FGFRL1: variants seen among roughly 807,000 people sequenced by gnomAD.
FGFRL1 encodes the protein fibroblast growth factor receptor-like 1.
Under a neutral mutation model 36.8 loss-of-function variants are expected in FGFRL1, and 24 were observed. The observed-to-expected ratio is 0.65, with a 90% CI of 0.47 to 0.92. The LOEUF (loss-of-function observed/expected upper bound fraction) is 0.92. Ranked by LOEUF, FGFRL1 falls within the 40% of genes least tolerant of loss-of-function variation. The pLI, the probability that FGFRL1 is intolerant of heterozygous loss-of-function variation, is 0.00. For synonymous variants in FGFRL1, 422 were observed against 344.1 expected (o/e 1.23, Z -2.50); for missense variants, 785 against 753.4 (o/e 1.04, Z -0.49).
At position 1,011,786 on chromosome 4, in the gene FGFRL1, CCCCGACCCGG is replaced by C. The variant is rs1040947903; in HGVS notation, c.-179_-170del. On this transcript the variant is annotated 5_prime_UTR_variant, in exon 1 of 7. Transcript: ENST00000510644. Reference sequence around the variant, plus strand: ...CGCGCCCCGAGCGCCCGAGCCCGGACCCCGACCCGGCCCGAGCCGCCCGCGCCCAGGTAGC... The same window carrying C: ...CGCGCCCCGAGCGCCCGAGCCCGGACCCCGAGCCGCCCGCGCCCAGGTAGC... 7 of 142,666 alleles carry C rather than the reference CCCCGACCCGG, an allele frequency of 4.9e-5. No individual in the cohort carries two copies. The highest frequency in any genetic ancestry group is 2.1e-4 in the Admixed American group (3 of 14,554). The allele number at this position is 142,666 out of a possible 1,614,324, so 8.8% of individuals were successfully genotyped here.
At chr4:1,021,314 G>A (rs1432104606) in intron 2 of FGFRL1, among the ~76,000 whole-genome samples, 1 of 152,060 alleles carries the variant, frequency 6.6e-6, no homozygotes, top group East Asian at 1.9e-4. Flanking sequence ...GGTGCAGGTG[G>A]CCATGTGGAG....
At position 1,024,118 on chromosome 4, in the gene FGFRL1, G is replaced by C. The variant is rs763437948; in HGVS notation, c.718+17G>C. On this transcript the variant is annotated intron_variant, in intron 5 of 6. Transcript: ENST00000510644. Reference sequence around the variant, plus strand: ...ATGTGATCCGTGAGTGTGGCCCCGGGCGCTGGCGGGCGGGGGGTGCTGGTG... The same window carrying C: ...ATGTGATCCGTGAGTGTGGCCCCGGCCGCTGGCGGGCGGGGGGTGCTGGTG... 1 of 1,474,252 alleles carries C rather than the reference G, an allele frequency of 6.8e-7. No individual in the cohort carries two copies. The highest frequency in any genetic ancestry group is 2.6e-5 in the East Asian group (1 of 38,476). The allele number at this position is 1,474,252 out of a possible 1,614,324, so 91.3% of individuals were successfully genotyped here.
intron 2 of FGFRL1, among the ~76,000 whole-genome samples, chr4:1,021,032 C>CGGGGTGGGGACCCAGGCAGGGGATG (rs1716146436): frequency 8.5e-5 from 1 of 11,728 alleles, no homozygotes; most frequent in Non-Finnish European, 1.4e-4. Context: ...GGGGAAGGGG[C>CGGGGTGGGGACCCAGGCAGGGGATG]GGGGTGGGGA....
In FGFRL1 at chr4:1,026,068, GACAC is replaced by G. The variant is rs369250502; in HGVS notation, c.*728_*731del. The G allele has an allele frequency of 1.1e-3, 129 of 118,884 alleles. No homozygotes were observed. The highest frequency in any genetic ancestry group is 1.9e-3 in the Admixed American group (23 of 12,426). 7.4% of individuals were successfully genotyped at this position (118,884 alleles called of 1,614,324 possible). A position where few individuals can be genotyped will look rare whatever the true frequency, so the allele number is the denominator to read the frequency against. On this transcript the variant is annotated 3_prime_UTR_variant, in exon 7 of 7. Transcript: ENST00000510644. Reference sequence around the variant, plus strand: ...CACGCATGCACAGATATGCTGTCCGGACACACACACGCACGCAGATATGCTGCCT... The same window carrying G: ...CACGCATGCACAGATATGCTGTCCGGACACACGCACGCAGATATGCTGCCT...
intron 1 of FGFRL1, 72 bp from the exon 2 acceptor site, chr4:1,012,398 C>T (rs1045101830): frequency 2.6e-5 from 40 of 1,542,064 alleles, no homozygotes; most frequent in Non-Finnish European, 3.4e-5. Context: ...CCCTGATCCC[C>T]GCGGCCCGGG....
chr4:1,014,869 G>A (rs925716162), intron 2 of FGFRL1, among the ~76,000 whole-genome samples: 10 of 152,190 alleles, frequency 6.6e-5, no homozygotes, highest in African/African-American at 2.2e-4. Context: ...CTGTCCCCTT[G>A]GGGGGAGGGA....
chr4:1,019,073 C>CG (rs1716040480), intron 2 of FGFRL1, among the ~76,000 whole-genome samples: 1 of 152,230 alleles, frequency 6.6e-6, no homozygotes, highest in Non-Finnish European at 1.5e-5. Context: ...TGACCACAGG[C>CG]GGGGGTCCCG....
intron 1 of FGFRL1, 111 bp from the exon 2 acceptor site, chr4:1,012,359 G>C: frequency 7.9e-7 from 1 of 1,264,028 alleles, no homozygotes; most frequent in Non-Finnish European, 1.1e-6. Flanking sequence ...AGCGCGGGCG[G>C]GGAGGGCCTG....
chr4:1,015,036 C>T (rs969358531), intron 2 of FGFRL1, among the ~76,000 whole-genome samples: 5 of 152,110 alleles, frequency 3.3e-5, no homozygotes, highest in African/African-American at 7.2e-5. Flanking sequence ...TTTCCCCAGT[C>T]GTGGCCTCCA....
chr4:1,012,117 C>G (rs1270857523), intron 1 of FGFRL1, 163 bp downstream of exon 1: 1 of 121,894 alleles, frequency 8.2e-6, no homozygotes, highest in African/African-American at 4.4e-5. Flanking sequence ...GCCCCCGCCC[C>G]CGCGCCCCAC....
intron 2 of FGFRL1, among the ~76,000 whole-genome samples, chr4:1,019,357 C>T (rs935205176): frequency 3.3e-5 from 5 of 152,234 alleles, no homozygotes; most frequent in East Asian, 1.9e-4. Context: ...TGAACATGCA[C>T]GTGTGAGGCC....
In FGFRL1 at chr4:1,025,374, G is replaced by C. The variant is rs541578778; in HGVS notation, c.*27G>C. ...CGGCACCGTATCTGCAGTGGGCACG[G>C]GGGGGCCGGCCAGACAGGCAGACTG... is the stretch of plus-strand genomic sequence containing the variant. On this transcript the variant is annotated 3_prime_UTR_variant, in exon 7 of 7. Coordinates refer to ENST00000510644, the MANE Select transcript of FGFRL1 (RefSeq NM_001004356.3). The C allele has an allele frequency of 2.4e-5, 37 of 1,519,464 alleles. No individual in the cohort carries two copies. In the African/African-American group the frequency reaches 4.7e-4, roughly 19 times the overall value. The allele number at this position is 1,519,464 out of a possible 1,614,324, so 94.1% of individuals were successfully genotyped here. A position where few individuals can be genotyped will look rare whatever the true frequency, so the allele number is the denominator to read the frequency against.
Position 1,025,215 on chromosome 4 carries a change from C to T in FGFRL1, c.1383C>T (p.Gly461=), listed in dbSNP as rs148505744. 2.9e-4 allele frequency: 469 copies of T among 1,609,890 alleles called. 1 individual carries two copies. The highest frequency in any genetic ancestry group is 2.8e-4 in the Non-Finnish European group (335 of 1,178,730). The part of the protein sequence containing the change: ...GSPAAPQHLL[G]PGPVAGPKLY... ...CGGCAGCCCCCCAGCACTTACTGGG[C>T]CCAGGCCCAGTTGCTGGCCCTAAGT... is the stretch of plus-strand genomic sequence containing the variant. Residue 461 remains glycine (G), a synonymous_variant, in exon 7 of 7, where the codon GGC becomes GGT. Coordinates refer to ENST00000510644, the MANE Select transcript of FGFRL1 (RefSeq NM_001004356.3).
intron 2 of FGFRL1, among the ~76,000 whole-genome samples, chr4:1,021,003 C>T (rs974851625): frequency 1.3e-4 from 1 of 7,432 alleles, no homozygotes; most frequent in Non-Finnish European, 2.3e-4. Context: ...GGGGATGGGG[C>T]GGGGTGGGGA....
chr4:1,017,492 T>C (rs182479845), intron 2 of FGFRL1, among the ~76,000 whole-genome samples: 1 of 152,304 alleles, frequency 6.6e-6, no homozygotes, highest in East Asian at 1.9e-4. Flanking sequence ...CAGTGAGTGC[T>C]CCTTCCTTGG....
At chr4:1,018,929 T>C (rs1189287761) in intron 2 of FGFRL1, among the ~76,000 whole-genome samples, 2 of 152,074 alleles carry the variant, frequency 1.3e-5, no homozygotes, top group Admixed American at 6.5e-5. Context: ...GGAGGGAGGC[T>C]GTTTGCTTTA....
At chr4:1,024,713 C>T in intron 6 of FGFRL1, 49 bp downstream of exon 6, 1 of 1,522,988 alleles carries the variant, frequency 6.6e-7, no homozygotes, top group Non-Finnish European at 8.8e-7. Context: ...CCGGACCCGC[C>T]CCCTGGGCCC....
chr4:1,015,312 C>A (rs113509981), intron 2 of FGFRL1, among the ~76,000 whole-genome samples: 2,224 of 152,338 alleles, frequency 0.015, 49 homozygotes, highest in African/African-American at 0.048. Context: ...TCCCCAGAGG[C>A]CCCCTCCAGG....
chr4:1,018,157 C>T (rs954601389), intron 2 of FGFRL1, among the ~76,000 whole-genome samples: 4 of 152,188 alleles, frequency 2.6e-5, no homozygotes, highest in African/African-American at 9.7e-5. Context: ...GCCTCCGTCC[C>T]TCCAGACTGC....
Sources: allele counts gnomAD v4.1 joint callset (sites outside exome capture counted in the v4.1 genomes callset), GRCh38; gene constraint gnomAD v4.1.1; transcripts MANE v1.5; gene names NCBI Gene and HGNC (gene_info 2026-07-23, HGNC 2026-07-21).